Variants in GPHN observed in about 807,000 individuals in gnomAD.
The protein encoded by GPHN is gephyrin.
GPHN carries 17 observed loss-of-function variants against 95.5 expected under a neutral mutation model. The ratio of observed to expected loss-of-function variants is 0.18; its 90% CI spans 0.12 to 0.27. The LOEUF (loss-of-function observed/expected upper bound fraction) is 0.27. Ranked by LOEUF, GPHN falls within the 10% of genes least tolerant of loss-of-function variation. The pLI is 1.00. For synonymous variants in GPHN, 320 were observed against 322.5 expected (o/e 0.99, Z 0.08); for missense variants, 660 against 978.1 (o/e 0.67, Z 4.34).
chr14:67,455,831 G>A, the GPHN span, among the ~76,000 whole-genome samples: 1 of 152,166 alleles, frequency 6.6e-6, no homozygotes, highest in East Asian at 1.9e-4. Context: ...AGAAAGCAGT[G>A]AAAGATATGA....
At chr14:67,337,663 A>G in the GPHN span, 1 of 152,312 alleles carries the variant, frequency 6.6e-6, no homozygotes, top group Admixed American at 6.5e-5. Context: ...GGATGCGAGA[A>G]AGACTGAGTC....
chr14:66,768,813 C>T (rs890419131), intron 2 of GPHN, among the ~76,000 whole-genome samples: 8 of 151,838 alleles, frequency 5.3e-5, no homozygotes, highest in African/African-American at 1.9e-4. Flanking sequence ...GAGTTTATTT[C>T]TAAGCATTCA....
intron 1 of GPHN, among the ~76,000 whole-genome samples, chr14:66,521,349 A>G (rs954282588): frequency 2.1e-4 from 32 of 152,164 alleles, no homozygotes; most frequent in African/African-American, 7.2e-4. Context: ...CGTCATTGTA[A>G]CCAGGAGGTT....
the GPHN span, chr14:67,321,070 T>G: frequency 6.2e-7 from 1 of 1,613,880 alleles, no homozygotes; most frequent in African/African-American, 1.3e-5. Context: ...CAACCCGGAG[T>G]AGGCGAGACC....
the GPHN span, among the ~76,000 whole-genome samples, chr14:67,367,422 G>T: frequency 1.6e-4 from 25 of 152,184 alleles, no homozygotes; most frequent in African/African-American, 6.0e-4. Context: ...GTAGAGACAG[G>T]GTTTCACCAT....
At chr14:67,293,196 G>A in the GPHN span, among the ~76,000 whole-genome samples, 4 of 152,012 alleles carry the variant, frequency 2.6e-5, no homozygotes, top group East Asian at 7.7e-4. Flanking sequence ...ATATACTATG[G>A]GAGTTTTTAT....
chr14:66,787,020 C>T (rs1019122389), intron 3 of GPHN, among the ~76,000 whole-genome samples: 3 of 152,060 alleles, frequency 2.0e-5, no homozygotes, highest in Admixed American at 6.6e-5. Flanking sequence ...CTAGGTAGCA[C>T]AGTAACGCAA....
At chr14:67,611,281 G>A in the GPHN span, 2 of 144,806 alleles carry the variant, frequency 1.4e-5, no homozygotes, top group African/African-American at 5.5e-5. Flanking sequence ...TCTTTCTTGA[G>A]ATGGAGTCTC....
At chr14:66,815,901 T>G (rs771024961) in intron 3 of GPHN, among the ~76,000 whole-genome samples, 24 of 152,230 alleles carry the variant, frequency 1.6e-4, no homozygotes, top group Non-Finnish European at 3.4e-4. Context: ...ATATGCTGTC[T>G]TCAAGAGACC....
At chr14:66,591,954 CAG>C (rs935671532) in intron 1 of GPHN, among the ~76,000 whole-genome samples, 50 of 152,168 alleles carry the variant, frequency 3.3e-4, no homozygotes, top group Admixed American at 1.1e-3. Context: ...GGTACCAAAA[CAG>C]ATATATAGGC....
At chr14:67,590,197 G>A in the GPHN span, 139,587 of 1,540,414 alleles carry the variant, frequency 0.091, 6,751 homozygotes, top group Middle Eastern at 0.12. Context: ...GGAGAAATGC[G>A]GAGTCAAGGT....
the GPHN span, among the ~76,000 whole-genome samples, chr14:67,480,124 G>T: frequency 6.6e-6 from 1 of 152,146 alleles, no homozygotes. Flanking sequence ...TACAGCTAAG[G>T]CTCCAGAAAG....
intron 4 of GPHN, among the ~76,000 whole-genome samples, chr14:66,833,767 T>G (rs1046450742): frequency 9.2e-5 from 14 of 152,188 alleles, no homozygotes; most frequent in Admixed American, 9.2e-4. Flanking sequence ...TCCAATTTTG[T>G]TGATTTGTTG....
the GPHN span, among the ~76,000 whole-genome samples, chr14:67,290,827 G>A: frequency 1.3e-5 from 2 of 152,106 alleles, no homozygotes; most frequent in Non-Finnish European, 2.9e-5. Flanking sequence ...GAGCCACTGC[G>A]CCTGGCCAGG....
chr14:66,714,650 C>T (rs928089777), intron 2 of GPHN, among the ~76,000 whole-genome samples: 10 of 152,084 alleles, frequency 6.6e-5, no homozygotes, highest in African/African-American at 2.4e-4. Context: ...AGGTGTGTCC[C>T]TTGTATGCCC....
At chr14:66,668,151 G>A (rs1214468672) in intron 1 of GPHN, among the ~76,000 whole-genome samples, 1 of 152,194 alleles carries the variant, frequency 6.6e-6, no homozygotes, top group East Asian at 1.9e-4. Context: ...TTGTGAGGTT[G>A]TGGATAAAAG....
At chr14:67,365,839 T>C in the GPHN span, among the ~76,000 whole-genome samples, 1 of 152,228 alleles carries the variant, frequency 6.6e-6, no homozygotes, top group African/African-American at 2.4e-5. Context: ...AAGTGATTAA[T>C]TTTATACATA....
chr14:67,030,978 T>C (rs1163137238), intron 10 of GPHN, among the ~76,000 whole-genome samples: 1 of 151,368 alleles, frequency 6.6e-6, no homozygotes, highest in African/African-American at 2.4e-5. Context: ...AACTCTAATA[T>C]ATTTATTGAA....
chr14:67,620,491 T>C, the GPHN span, among the ~76,000 whole-genome samples: 1 of 151,990 alleles, frequency 6.6e-6, no homozygotes, highest in Non-Finnish European at 1.5e-5. Flanking sequence ...CGACCGAGGA[T>C]TTAAGTCTTC....
Sources: gnomAD v4.1 joint callset for allele counts (sites outside exome capture counted in the v4.1 genomes callset) on GRCh38, gnomAD v4.1.1 for gene constraint, MANE v1.5 for transcripts, NCBI Gene and HGNC (gene_info 2026-07-23, HGNC 2026-07-21) for gene names.